The following VTI1A variants were observed in gnomAD, a reference collection of about 807,000 sequenced individuals.
VTI1A encodes vesicle transport through interaction with t-SNAREs 1A, also known as vesicle transport through interaction with t-SNAREs homolog 1A.
Under a neutral mutation model 34.9 loss-of-function variants are expected in VTI1A, and 22 were observed. The observed-to-expected ratio is 0.63, with a 90% CI of 0.45 to 0.90. The LOEUF (loss-of-function observed/expected upper bound fraction) is 0.90. Ranked by LOEUF, VTI1A falls within the 40% of genes least tolerant of loss-of-function variation. The pLI, the probability that VTI1A is intolerant of heterozygous loss-of-function variation, is 0.00. For missense variants in VTI1A, 268 were observed against 275.6 expected, an observed-to-expected ratio of 0.97 and a Z score of 0.20; for synonymous variants, 87 against 97.3, an observed-to-expected ratio of 0.89 and a Z score of 0.62.
At chr10:112,491,213 GATTAA>G (rs1432796718) in intron 3 of VTI1A, among the ~76,000 whole-genome samples, 1 of 152,192 alleles carries the variant, frequency 6.6e-6, no homozygotes, top group Non-Finnish European at 1.5e-5. Context: ...AGTACCAGTT[GATTAA>G]ATTAAACATT....
At chr10:112,661,605 G>T (rs749126574) in intron 5 of VTI1A, among the ~76,000 whole-genome samples, 3 of 151,988 alleles carry the variant, frequency 2.0e-5, no homozygotes, top group Non-Finnish European at 2.9e-5. Flanking sequence ...ATTTTTGAAG[G>T]CTATTATTGC....
rs554423037 is a variant in VTI1A, at chr10:112,600,712, T to A, written c.427+62382T>A. Among the ~76,000 whole-genome samples, 3 of 152,370 alleles carry A rather than the reference T, an allele frequency of 2.0e-5. No homozygotes were observed. The South Asian group carries it at 6.2e-4, about 32-fold the overall frequency. On this transcript the variant is annotated intron_variant, in intron 5 of 7. Coordinates refer to ENST00000393077, the MANE Select transcript of VTI1A (RefSeq NM_145206.4). ...TCCGTGATGTCTGGTCTGTTTTGTC[T>A]CTGCTGTGTCTCTAGCTCCTAAAAC...
intron 5 of VTI1A, among the ~76,000 whole-genome samples, chr10:112,591,960 G>A (rs1331329940): frequency 6.6e-6 from 1 of 152,200 alleles, no homozygotes; most frequent in Admixed American, 6.5e-5. Flanking sequence ...AGCAGAAAGG[G>A]TAGATGCAGA....
intron 5 of VTI1A, among the ~76,000 whole-genome samples, chr10:112,654,513 G>C (rs999326779): frequency 3.4e-4 from 51 of 151,644 alleles, no homozygotes; most frequent in African/African-American, 1.2e-3. Context: ...TTTATTTTTT[G>C]AGACCGAGTC....
intron 5 of VTI1A, among the ~76,000 whole-genome samples, chr10:112,622,466 AAAAAG>A (rs1468601203): frequency 1.3e-5 from 2 of 151,976 alleles, no homozygotes; most frequent in Admixed American, 1.3e-4. Flanking sequence ...AAAAAAAAAA[AAAAAG>A]AAGAGGTGTA....
intron 2 of VTI1A, among the ~76,000 whole-genome samples, chr10:112,463,468 A>G (rs192962054): frequency 1.3e-5 from 2 of 152,140 alleles, no homozygotes; most frequent in South Asian, 4.1e-4. Context: ...ACATTAAGAA[A>G]CCTGTTCCAG....
chr10:112,573,124 A>G (rs1041680180), intron 5 of VTI1A, among the ~76,000 whole-genome samples: 4 of 152,122 alleles, frequency 2.6e-5, no homozygotes, highest in African/African-American at 9.7e-5. Context: ...AATTTTGAGA[A>G]TTGTTGCTGA....
chr10:112,449,905 C>A (rs1186453827), intron 1 of VTI1A: 1 of 152,002 alleles, frequency 6.6e-6, no homozygotes, highest in East Asian at 1.9e-4. Context: ...AATCATAATT[C>A]TTTTTTCTTT....
intron 5 of VTI1A, among the ~76,000 whole-genome samples, chr10:112,661,125 C>T (rs530712800): frequency 6.6e-6 from 1 of 152,300 alleles, no homozygotes; most frequent in Non-Finnish European, 1.5e-5. Flanking sequence ...GGACTACAGG[C>T]ATGTGCCACC....
Position 112,729,797 on chromosome 10 carries a change from C to G in VTI1A, c.560+60799C>G, listed in dbSNP as rs1246103981. ...AATCAGCTGATTGCAGGCTGGACAC[C>G]CTTGGTGTAATCTACAAAGACAGGG... On this transcript the variant is annotated intron_variant, in intron 7 of 7. Coordinates refer to ENST00000393077, the MANE Select transcript of VTI1A (RefSeq NM_145206.4). Among the ~76,000 whole-genome samples, 6 of 152,288 alleles carry G rather than the reference C, an allele frequency of 3.9e-5. No homozygotes were observed. The South Asian group carries it at 8.3e-4, about 21-fold the overall frequency.
intron 7 of VTI1A, among the ~76,000 whole-genome samples, chr10:112,723,307 C>T (rs1849877813): frequency 1.3e-5 from 2 of 152,180 alleles, no homozygotes; most frequent in Admixed American, 6.5e-5. Flanking sequence ...CCTGGCCTTA[C>T]TTGAAAACTA....
chr10:112,679,272 G>C (rs1848134107), intron 7 of VTI1A, among the ~76,000 whole-genome samples: 1 of 152,130 alleles, frequency 6.6e-6, no homozygotes, highest in South Asian at 2.1e-4. Context: ...TGTATATCTT[G>C]AGAATTTGTC....
At chr10:112,763,543 C>G (rs535977555) in intron 7 of VTI1A, among the ~76,000 whole-genome samples, 1 of 151,762 alleles carries the variant, frequency 6.6e-6, no homozygotes, top group African/African-American at 2.4e-5. Context: ...GAATTGAGTT[C>G]TTGCTTCTTT....
At chr10:112,499,602 TAC>T (rs1172370673) in intron 3 of VTI1A, among the ~76,000 whole-genome samples, 1 of 152,250 alleles carries the variant, frequency 6.6e-6, no homozygotes, top group Non-Finnish European at 1.5e-5. Context: ...GACATTAAAC[TAC>T]AGTCTTCCAA....
In VTI1A at chr10:112,733,773, A is replaced by ATTTTG. The variant is rs764240395; in HGVS notation, c.560+64775_560+64776insTTTTG. 3.1e-3 allele frequency among the ~76,000 whole-genome samples: 467 copies of ATTTTG among 149,236 alleles called. 9 individuals are homozygous for ATTTTG. Among genetic ancestry groups the ATTTTG allele is most frequent in the African/African-American group, 7.5e-3 (294 of 39,366 alleles). Reference sequence around the variant, plus strand: ...ATTTTATTTTATTTTATTTTATTTTAAGAGAGAGTTTTACACTTGTTGCCC... The same window carrying ATTTTG: ...ATTTTATTTTATTTTATTTTATTTTATTTTGAGAGAGAGTTTTACACTTGTTGCCC... On this transcript the variant is annotated intron_variant, in intron 7 of 7. Coordinates refer to ENST00000393077, the MANE Select transcript of VTI1A (RefSeq NM_145206.4).
chr10:112,743,811 A>G (rs959292688), intron 7 of VTI1A, among the ~76,000 whole-genome samples: 6 of 152,230 alleles, frequency 3.9e-5, no homozygotes, highest in Non-Finnish European at 5.9e-5. Context: ...ATTTTCAATC[A>G]AATATTTTAG....
At chr10:112,710,125 C>T (rs1849358212) in intron 7 of VTI1A, among the ~76,000 whole-genome samples, 1 of 150,894 alleles carries the variant, frequency 6.6e-6, no homozygotes, top group East Asian at 1.9e-4. Context: ...GTTGCATTCA[C>T]ATGGAAGGTG....
chr10:112,641,331 C>T (rs1846563489), intron 5 of VTI1A, among the ~76,000 whole-genome samples: 3 of 152,112 alleles, frequency 2.0e-5, no homozygotes, highest in Admixed American at 2.0e-4. Flanking sequence ...GCTAAGCTTG[C>T]TGTTGATAAA....
intron 7 of VTI1A, among the ~76,000 whole-genome samples, chr10:112,697,399 C>CTTTT (rs57723783): frequency 4.4e-5 from 5 of 114,042 alleles, no homozygotes; most frequent in South Asian, 2.8e-4. Context: ...CTTTTCTTTT[C>CTTTT]TTTTTTTTTT....
Sources: gnomAD v4.1 joint callset for allele counts (sites outside exome capture counted in the v4.1 genomes callset) on GRCh38, gnomAD v4.1.1 for gene constraint, MANE v1.5 for transcripts, NCBI Gene and HGNC (gene_info 2026-07-23, HGNC 2026-07-21) for gene names.